HAPLN3: variants seen among roughly 807,000 people sequenced by gnomAD.
HAPLN3 encodes the protein extracellular link domain containing, 1.
HAPLN3 carries 28 observed loss-of-function variants against 28.1 expected under a neutral mutation model. The observed-to-expected ratio is 1.00, with a 90% CI of 0.74 to 1.37. The LOEUF is 1.37. Ranked by LOEUF, HAPLN3 falls within the 40% of genes most tolerant of loss-of-function variation. The pLI is 0.00. For missense variants in HAPLN3, 513 were observed against 504.6 expected (o/e 1.02, Z -0.16); for synonymous variants, 211 against 213.1 (o/e 0.99, Z 0.09).
intron 1 of HAPLN3, among the ~76,000 whole-genome samples, chr15:88,892,435 C>CAAGAA (rs1567207728): frequency 6.6e-6 from 1 of 151,476 alleles, no homozygotes; most frequent in South Asian, 2.1e-4. Context: ...CCAGCCTGGG[C>CAAGAA]GACAGAGTGA....
In HAPLN3 at chr15:88,886,391, A is replaced by G. The variant is rs185237688; in HGVS notation, c.124+784T>C. 2.6e-5 allele frequency among the ~76,000 whole-genome samples: 4 copies of G among 151,684 alleles called. No individual in the cohort carries two copies. The East Asian group carries it at 7.8e-4, about 29-fold the overall frequency. ...AAGGTATATTTTCACCCTTGCCTACATCAGGGCTTTTGTGATTACAGGAGA... is the reference window on the plus strand; with the variant it reads ...AAGGTATATTTTCACCCTTGCCTACGTCAGGGCTTTTGTGATTACAGGAGA... On this transcript the variant is annotated intron_variant, in intron 2 of 4. Coordinates refer to ENST00000359595, the MANE Select transcript of HAPLN3 (RefSeq NM_178232.4).
chr15:88,881,425 CCATAGTCCTCCAGCCG>C lies in HAPLN3; in HGVS notation c.409_424del (p.Arg137GlyfsTer136), dbSNP rs770240054. 6.2e-7 allele frequency: 1 copy of C among 1,614,028 alleles called. No homozygotes were observed. Among genetic ancestry groups the C allele is most frequent in the Non-Finnish European group, 8.5e-7 (1 of 1,180,042 alleles). ...GTCAATGACCTCACAGCGGTAACGC[CCATAGTCCTCCAGCCG>C]CAGATCCTGGATCTCCAGCGAGACG... On this transcript the variant is annotated frameshift_variant, in exon 3 of 5. Coordinates refer to ENST00000359595, the MANE Select transcript of HAPLN3 (RefSeq NM_178232.4). LOFTEE classifies it high-confidence loss of function. The surrounding 1 kb of genome is among the most constrained non-coding windows in gnomAD (Gnocchi z 6.0).
Position 88,880,648 on chromosome 15 carries a change from A to AC in HAPLN3, c.493+708dup. On this transcript the variant is annotated intron_variant, in intron 3 of 4. Transcript: ENST00000359595. The surrounding 1 kb of genome is among the most constrained non-coding windows in gnomAD (Gnocchi z 6.0). ...AAGGTAAATACAAATTAAAGATCAAACAGGGACCCCACATACAAGATCCGG... is the reference window on the plus strand; with the variant it reads ...AAGGTAAATACAAATTAAAGATCAAACCAGGGACCCCACATACAAGATCCGG... 7.9e-7 allele frequency: 1 copy of AC among 1,263,088 alleles called. No individual in the cohort carries two copies. The highest frequency in any genetic ancestry group is 1.0e-6 in the Non-Finnish European group (1 of 965,944). The allele number at this position is 1,263,088 out of a possible 1,614,324, so 78.2% of individuals were successfully genotyped here.
chr15:88,887,058 C>T, intron 2 of HAPLN3, 117 bp downstream of exon 2: 1 of 1,146,196 alleles, frequency 8.7e-7, no homozygotes, highest in Non-Finnish European at 1.3e-6. Flanking sequence ...CTACAAGGGC[C>T]CTGCTGGAAC....
At chr15:88,891,003 G>C (rs1422916211) in intron 1 of HAPLN3, among the ~76,000 whole-genome samples, 1 of 151,396 alleles carries the variant, frequency 6.6e-6, no homozygotes, top group Non-Finnish European at 1.5e-5. Flanking sequence ...TCAGCCTCCT[G>C]AGTAGCTGAG....
intron 1 of HAPLN3, chr15:88,892,928 A>G (rs912699835): frequency 6.5e-6 from 10 of 1,530,906 alleles, no homozygotes; most frequent in Non-Finnish European, 8.7e-6. Context: ...ACCACCACAG[A>G]GGTGCCACCA....
Position 88,881,702 on chromosome 15 carries a change from C to G in HAPLN3, c.148G>C (p.Val50Leu). The G allele has an allele frequency of 6.2e-7, 1 of 1,612,954 alleles. No homozygotes were observed. Residue 50 changes from valine (V) to leucine (L), a missense_variant, in exon 3 of 5, where the codon GTG becomes CTG. Physicochemically the swap from Val to Leu is conservative, Grantham distance 32. Transcript: ENST00000359595. This position sits in a 1 kb window ranked among gnomAD's most constrained non-coding sequence, Gnocchi z 6.0. ...AGGGTCTCCTCGGGTGTCTCCACCA[C>G]CAGCTTCACTCCATTAAGGAGGTCT... is the stretch of plus-strand genomic sequence containing the variant. ...GKDLLNGVKL[V>L]VETPEETLFT...
At chr15:88,885,389 C>T (rs1897822439) in intron 2 of HAPLN3, among the ~76,000 whole-genome samples, 1 of 152,172 alleles carries the variant, frequency 6.6e-6, no homozygotes, top group Admixed American at 6.5e-5. Flanking sequence ...AATTCTCATG[C>T]CTCAGCCTCC....
chr15:88,878,177 C>G lies in HAPLN3; in HGVS notation c.876G>C (p.Thr292=), dbSNP rs761447623. ...AREACQEDDA[T]IAKVGQLFAA... is the part of the protein sequence containing the mutation. ...CAAAGAGCTGTCCCACCTTGGCGAT[C>G]GTGGCATCATCTTCCTGGCAGGCCT... is the stretch of plus-strand genomic sequence containing the variant. Residue 292 remains threonine (T), a synonymous_variant, in exon 5 of 5, where the codon ACG becomes ACC. Coordinates refer to ENST00000359595, the MANE Select transcript of HAPLN3 (RefSeq NM_178232.4). The G allele has an allele frequency of 7.4e-6, 12 of 1,614,168 alleles. No individual in the cohort carries two copies. The highest frequency in any genetic ancestry group is 9.3e-6 in the Non-Finnish European group (11 of 1,180,008).
chr15:88,877,362 G>T lies in HAPLN3; in HGVS notation c.*608C>A. 1 of 153,078 alleles carries T rather than the reference G, an allele frequency of 6.5e-6. No homozygotes were observed. The allele number at this position is 153,078 out of a possible 1,614,324, so 9.5% of individuals were successfully genotyped here. A position where few individuals can be genotyped will look rare whatever the true frequency, so the allele number is the denominator to read the frequency against. On this transcript the variant is annotated 3_prime_UTR_variant, in exon 5 of 5. Transcript: ENST00000359595. This position sits in a 1 kb window ranked among gnomAD's most constrained non-coding sequence, Gnocchi z 5.1. The stretch of plus-strand genomic sequence containing the variant: ...ACACCTGAGGGCCCCTCCCCACACA[G>T]GGAAACAGGAGAAACAAATGACAAC...
chr15:88,887,690 A>G (rs1201771210), intron 1 of HAPLN3, among the ~76,000 whole-genome samples: 1 of 152,208 alleles, frequency 6.6e-6, no homozygotes, highest in African/African-American at 2.4e-5. Context: ...CAGGCTGGGC[A>G]TGGTGGCTCA....
rs909657946 is a variant in HAPLN3, at chr15:88,881,082, G to A, written c.493+275C>T. 1.4e-5 allele frequency: 7 copies of A among 491,118 alleles called. No homozygotes were observed. The highest frequency in any genetic ancestry group is 3.7e-5 in the East Asian group (1 of 27,370). The allele number at this position is 491,118 out of a possible 1,614,324, so 30.4% of individuals were successfully genotyped here. A position where few individuals can be genotyped will look rare whatever the true frequency, so the allele number is the denominator to read the frequency against. ...CTCTGAATGAGATGTGAATTACAGCGGGTAGAGGGGAACAGATTCTAGAGG... is the reference window on the plus strand; with the variant it reads ...CTCTGAATGAGATGTGAATTACAGCAGGTAGAGGGGAACAGATTCTAGAGG... On this transcript the variant is annotated intron_variant, in intron 3 of 4. Transcript: ENST00000359595. The surrounding 1 kb of genome is among the most constrained non-coding windows in gnomAD (Gnocchi z 6.0).
At chr15:88,887,455 C>T (rs1897895640) in intron 1 of HAPLN3, 110 bp from the exon 2 acceptor site, 2 of 971,248 alleles carry the variant, frequency 2.1e-6, no homozygotes, top group East Asian at 2.6e-5. Flanking sequence ...CTGCGGGACA[C>T]CTGCCGCCTA....
chr15:88,879,517 C>A lies in HAPLN3; in HGVS notation c.494-248G>T. The stretch of plus-strand genomic sequence containing the variant: ...GGTAATTAATTAGTCCATTAATGTC[C>A]CCAACAATGTCCCCAACCTAATCCG... On this transcript the variant is annotated intron_variant, in intron 3 of 4. Coordinates refer to ENST00000359595, the MANE Select transcript of HAPLN3 (RefSeq NM_178232.4). This position sits in a 1 kb window ranked among gnomAD's most constrained non-coding sequence, Gnocchi z 5.0. 1 of 1,497,480 alleles carries A rather than the reference C, an allele frequency of 6.7e-7. No homozygotes were observed. Among genetic ancestry groups the A allele is most frequent in the Non-Finnish European group, 8.9e-7 (1 of 1,122,518 alleles). 92.8% of individuals were successfully genotyped at this position (1,497,480 alleles called of 1,614,324 possible).
rs998191118 is a variant in HAPLN3, at chr15:88,880,362, A to G, written c.493+995T>C. The G allele has an allele frequency of 1.8e-6, 2 of 1,123,748 alleles. No homozygotes were observed. Among genetic ancestry groups the G allele is most frequent in the East Asian group, 1.5e-4 (2 of 13,494 alleles). 69.6% of individuals were successfully genotyped at this position (1,123,748 alleles called of 1,614,324 possible). ...GAGCCACCATGTAAGCCATGTGGAC[A>G]CTGGTGGCAAAGACAGAGAACGCAT... On this transcript the variant is annotated intron_variant, in intron 3 of 4. Transcript: ENST00000359595. The surrounding 1 kb of genome is among the most constrained non-coding windows in gnomAD (Gnocchi z 6.0).
Position 88,879,296 on chromosome 15 carries a change from G to T in HAPLN3, c.494-27C>A. The T allele has an allele frequency of 1.9e-6, 3 of 1,604,370 alleles. No individual in the cohort carries two copies. Among genetic ancestry groups the T allele is most frequent in the Non-Finnish European group, 2.5e-6 (3 of 1,177,444 alleles). ...TGCAGGGGAAGGAAAGAGGAGCTTA[G>T]GGGGTGGCCAGGGGCCCAGCTGGCT... On this transcript the variant is annotated intron_variant, in intron 3 of 4. Coordinates refer to ENST00000359595, the MANE Select transcript of HAPLN3 (RefSeq NM_178232.4). The surrounding 1 kb of genome is among the most constrained non-coding windows in gnomAD (Gnocchi z 5.0).
rs1185624933 is a variant in HAPLN3, at chr15:88,879,924, C to T, written c.494-655G>A. 1 of 1,016,356 alleles carries T rather than the reference C, an allele frequency of 9.8e-7. No homozygotes were observed. Among genetic ancestry groups the T allele is most frequent in the East Asian group, 9.6e-5 (1 of 10,454 alleles). The allele number at this position is 1,016,356 out of a possible 1,614,324, so 63.0% of individuals were successfully genotyped here. On this transcript the variant is annotated intron_variant, in intron 3 of 4. Transcript: ENST00000359595. This position sits in a 1 kb window ranked among gnomAD's most constrained non-coding sequence, Gnocchi z 5.0. ...ACTCTAATAAAAAGTTTTTAAACTT[C>T]TGAGATGTAGTCTCTACCAAGTCAA...
In HAPLN3 at chr15:88,881,139, C is replaced by G. The variant is rs922477129; in HGVS notation, c.493+218G>C. On this transcript the variant is annotated intron_variant, in intron 3 of 4. Coordinates refer to ENST00000359595, the MANE Select transcript of HAPLN3 (RefSeq NM_178232.4). The surrounding 1 kb of genome is among the most constrained non-coding windows in gnomAD (Gnocchi z 6.0). ...GCTTGGGTTCAGACCCCAGCTCTGT[C>G]GTTTACAAGCTGTGTGACCTTAGGT... is the stretch of plus-strand genomic sequence containing the variant. 6.6e-6 allele frequency: 4 copies of G among 603,258 alleles called. No individual in the cohort carries two copies. In the African/African-American group the frequency reaches 7.4e-5, roughly 11 times the overall value. 37.4% of individuals were successfully genotyped at this position (603,258 alleles called of 1,614,324 possible).
Position 88,879,291 on chromosome 15 carries a change from G to A in HAPLN3, c.494-22C>T. On this transcript the variant is annotated intron_variant, in intron 3 of 4. Coordinates refer to ENST00000359595, the MANE Select transcript of HAPLN3 (RefSeq NM_178232.4). The surrounding 1 kb of genome is among the most constrained non-coding windows in gnomAD (Gnocchi z 5.0). ...ACACCTGCAGGGGAAGGAAAGAGGA[G>A]CTTAGGGGGTGGCCAGGGGCCCAGC... is the stretch of plus-strand genomic sequence containing the variant. 3 of 1,605,336 alleles carry A rather than the reference G, an allele frequency of 1.9e-6. No homozygotes were observed. The highest frequency in any genetic ancestry group is 2.2e-5 in the South Asian group (2 of 90,582).
Sources: gnomAD v4.1 joint callset for allele counts (sites outside exome capture counted in the v4.1 genomes callset) on GRCh38, gnomAD v4.1.1 for gene constraint, Gnocchi (gnomAD v3.1) non-coding constraint, MANE v1.5 for transcripts, NCBI Gene and HGNC (gene_info 2026-07-23, HGNC 2026-07-21) for gene names.